The following RASGRF1 variants were observed in gnomAD, a reference collection of about 807,000 sequenced individuals.
RASGRF1 encodes ras-specific guanine nucleotide-releasing factor 1.
RASGRF1 carries 40 observed loss-of-function variants against 138.7 expected under a neutral mutation model. The observed-to-expected ratio is 0.29, with a 90% confidence interval of 0.22 to 0.38. The LOEUF is 0.38. RASGRF1 is among the 10% of genes least tolerant of loss of function. The pLI is 1.00. For synonymous variants in RASGRF1, 614 were observed against 663.2 expected (o/e 0.93, Z 1.14); for missense variants, 1,108 against 1,650.4 (o/e 0.67, Z 5.69).
intron 16 of RASGRF1, among the ~76,000 whole-genome samples, chr15:79,000,346 G>A (rs1166854320): frequency 1.3e-5 from 2 of 152,138 alleles, no homozygotes; most frequent in African/African-American, 2.4e-5. Context: ...TGGGCTCGTG[G>A]GCACAGTGGG....
At position 79,015,405 on chromosome 15, in the gene RASGRF1, A is replaced by C. The variant is rs1183123436; in HGVS notation, c.1748T>G (p.Val583Gly). 1 of 1,613,396 alleles carries C rather than the reference A, an allele frequency of 6.2e-7. No homozygotes were observed. The highest frequency in any genetic ancestry group is 8.5e-7 in the Non-Finnish European group (1 of 1,179,270). ...AAWTSDISQC[V>G]DNIRCNGLMM... is the part of the protein sequence containing the mutation. The stretch of plus-strand genomic sequence containing the variant: ...GAGCCCATTGCATCGGATGTTATCC[A>C]CACACTGGAATCAGAGAGAGGACCC... The change falls in exon 13 of 27, where the codon GTG becomes GGG. Residue 583 changes from valine (V) to glycine (G), a missense_variant. By Grantham distance (109) the Val-to-Gly change is moderately radical. This residue lies in a region of RASGRF1 where 686 missense variants were observed against 976.7 expected (regional missense o/e 0.70). Coordinates refer to ENST00000558480, the MANE Select transcript of RASGRF1 (RefSeq NM_001145648.3).
intron 10 of RASGRF1, among the ~76,000 whole-genome samples, chr15:79,024,578 C>T (rs1441537418): frequency 6.6e-6 from 1 of 152,174 alleles, no homozygotes; most frequent in Non-Finnish European, 1.5e-5. Flanking sequence ...GTAATTGAAT[C>T]ATGGGGGTAG....
intron 20 of RASGRF1, among the ~76,000 whole-genome samples, chr15:78,995,408 TCTC>T (rs10574265): frequency 0.4 from 59,462 of 150,388 alleles, 12,110 homozygotes; most frequent in Non-Finnish European, 0.42. Flanking sequence ...CCCGCCTCAG[TCTC>T]CTGAGAAGCT....
At chr15:78,971,752 C>T (rs1350378567) in intron 26 of RASGRF1, 114 bp downstream of exon 26, 16 of 1,003,092 alleles carry the variant, frequency 1.6e-5, no homozygotes, top group Non-Finnish European at 2.5e-5. Flanking sequence ...TTGAGCTGGG[C>T]TCGAGAGAAT....
intron 1 of RASGRF1, among the ~76,000 whole-genome samples, chr15:79,078,247 G>C (rs569904488): frequency 1.3e-5 from 2 of 149,538 alleles, no homozygotes; most frequent in Non-Finnish European, 3.0e-5. Flanking sequence ...AGGCCCCCCC[G>C]GCCCCACCCA....
At chr15:79,023,377 A>AGGACAGG (rs1335539619) in intron 10 of RASGRF1, among the ~76,000 whole-genome samples, 4 of 152,162 alleles carry the variant, frequency 2.6e-5, no homozygotes, top group Admixed American at 2.6e-4. Flanking sequence ...TATTTGATAG[A>AGGACAGG]GGAAGTGTGG....
chr15:79,003,702 C>T, intron 15 of RASGRF1, 100 bp downstream of exon 15: 1 of 1,487,140 alleles, frequency 6.7e-7, no homozygotes, highest in Non-Finnish European at 8.9e-7. Context: ...CTTCCTTCCC[C>T]ATGGGAGCAG....
rs75132634 is a variant in RASGRF1, at chr15:79,018,045, G to T, written c.1607-139C>A. The T allele has an allele frequency of 1.1e-4, 116 of 1,097,286 alleles. No homozygotes were observed. In the Middle Eastern group the frequency reaches 1.8e-3, roughly 17 times the overall value. The allele number at this position is 1,097,286 out of a possible 1,614,324, so 68.0% of individuals were successfully genotyped here. On this transcript the variant is annotated intron_variant, in intron 11 of 26. Coordinates refer to ENST00000558480, the MANE Select transcript of RASGRF1 (RefSeq NM_001145648.3). The stretch of plus-strand genomic sequence containing the variant: ...ACCAGGCCAATTGCTGCTACTTTCA[G>T]AATATTATTTTCCTAAGTGGGAAAT...
At chr15:79,051,209 C>T (rs148135927) in intron 3 of RASGRF1, among the ~76,000 whole-genome samples, 112 of 152,292 alleles carry the variant, frequency 7.4e-4, no homozygotes, top group Non-Finnish European at 1.2e-3. Flanking sequence ...GATGAATGGG[C>T]GCTCATAATT....
intron 24 of RASGRF1, among the ~76,000 whole-genome samples, chr15:78,976,375 C>T (rs2055870597): frequency 2.0e-5 from 3 of 152,200 alleles, no homozygotes; most frequent in Non-Finnish European, 2.9e-5. Context: ...AACACACTAA[C>T]GATAGCTAAT....
chr15:79,064,608 G>A (rs1386615142), intron 1 of RASGRF1, 82 bp from the exon 2 acceptor site: 3 of 1,327,758 alleles, frequency 2.3e-6, no homozygotes, highest in East Asian at 2.3e-5. Context: ...TAGCTGTTTT[G>A]CAAAGTGCCT....
At chr15:79,028,378 C>T (rs2057090711) in intron 8 of RASGRF1, among the ~76,000 whole-genome samples, 1 of 152,150 alleles carries the variant, frequency 6.6e-6, no homozygotes, top group Non-Finnish European at 1.5e-5. Context: ...TCCTTAATAT[C>T]GCTTGGGCCC....
At chr15:79,001,869 A>C in intron 15 of RASGRF1, 82 bp from the exon 16 acceptor site, 1 of 1,023,064 alleles carries the variant, frequency 9.8e-7, no homozygotes. Flanking sequence ...ATTTATGTCT[A>C]TAATTTACTG....
chr15:79,068,255 G>A (rs575175442), intron 1 of RASGRF1, among the ~76,000 whole-genome samples: 50 of 152,188 alleles, frequency 3.3e-4, no homozygotes, highest in Admixed American at 3.0e-3. Context: ...TGTTCACGCT[G>A]TTTGTTCTCT....
intron 3 of RASGRF1, among the ~76,000 whole-genome samples, chr15:79,051,994 C>T (rs975365353): frequency 2.0e-5 from 3 of 152,140 alleles, no homozygotes; most frequent in Non-Finnish European, 4.4e-5. Flanking sequence ...TTGCTTTGCA[C>T]CCTGCTTTGT....
chr15:79,017,655 G>T, intron 12 of RASGRF1, 115 bp downstream of exon 12: 1 of 1,305,890 alleles, frequency 7.7e-7, no homozygotes, highest in Non-Finnish European at 1.0e-6. Context: ...ATCTTTCTCT[G>T]TAGAACAGTG....
At chr15:79,070,039 A>G (rs1389133608) in intron 1 of RASGRF1, among the ~76,000 whole-genome samples, 1 of 152,136 alleles carries the variant, frequency 6.6e-6, no homozygotes, top group Non-Finnish European at 1.5e-5. Context: ...GGATGTCCCC[A>G]TGAGGTCCAT....
chr15:79,090,185 C>A (rs1247485943), intron 1 of RASGRF1, 38 bp downstream of exon 1: 2 of 1,549,850 alleles, frequency 1.3e-6, no homozygotes, highest in South Asian at 2.4e-5. Flanking sequence ...GGGCCGCGGC[C>A]GGGACGCAGG....
At chr15:79,023,577 G>A (rs1305191671) in intron 10 of RASGRF1, among the ~76,000 whole-genome samples, 2 of 152,222 alleles carry the variant, frequency 1.3e-5, no homozygotes, top group East Asian at 1.9e-4. Flanking sequence ...TCTGCCAGGG[G>A]AGAGGAGGCT....
Sources: gnomAD v4.1 joint callset for allele counts (sites outside exome capture counted in the v4.1 genomes callset) on GRCh38, gnomAD v4.1.1 for gene constraint, gnomAD v4.1.1 regional missense constraint, MANE v1.5 for transcripts, NCBI Gene and HGNC (gene_info 2026-07-23, HGNC 2026-07-21) for gene names.